The following PDZRN4 variants were observed in gnomAD, a reference collection of about 807,000 sequenced individuals.
The protein encoded by PDZRN4 is PDZ domain-containing RING finger protein 4.
A neutral mutation model predicts 99.0 loss-of-function variants in PDZRN4; 70 were observed. The observed-to-expected ratio is 0.71, with a 90% CI of 0.58 to 0.86. The LOEUF (loss-of-function observed/expected upper bound fraction) is 0.86, where lower values mean the gene tolerates loss of function less well. Ranked by LOEUF, PDZRN4 falls within the 40% of genes least tolerant of loss-of-function variation. The probability of loss-of-function intolerance (pLI) is 0.00; values close to 1 mark genes in which losing one functional copy is unlikely to be tolerated. For synonymous variants in PDZRN4, 551 were observed against 501.6 expected, an observed-to-expected ratio of 1.10 and a Z score of -1.32; for missense variants, 1,474 against 1,331.2, an observed-to-expected ratio of 1.11 and a Z score of -1.67.
At position 41,572,697 on chromosome 12, in the gene PDZRN4, C is replaced by T. The variant is rs1939503860; in HGVS notation, c.1918C>T (p.His640Tyr). Residue 640 changes from histidine to tyrosine, a missense_variant, in exon 10 of 10, where the codon CAT (histidine) becomes TAT (tyrosine). His to Tyr is a moderately conservative substitution (Grantham distance 83). Coordinates refer to ENST00000402685, the MANE Select transcript of PDZRN4 (RefSeq NM_001164595.2). ...LLELKCKIRN[H>Y]GEYDLYYSSS... The stretch of plus-strand genomic sequence containing the variant: ...GGAGCTCAAATGCAAGATTCGAAAT[C>T]ATGGAGAGTATGACCTGTATTACTC... 5 of 1,613,964 alleles carry T rather than the reference C, an allele frequency of 3.1e-6. No homozygotes were observed. In the South Asian group the frequency reaches 3.3e-5, roughly 11 times the overall value.
intron 3 of PDZRN4, among the ~76,000 whole-genome samples, chr12:41,417,548 A>G (rs890679788): frequency 6.6e-6 from 1 of 152,188 alleles, no homozygotes; most frequent in African/African-American, 2.4e-5. Flanking sequence ...CAGGAACACA[A>G]AGATGATGCT....
intron 3 of PDZRN4, among the ~76,000 whole-genome samples, chr12:41,327,172 A>G (rs899776646): frequency 2.6e-5 from 4 of 152,126 alleles, no homozygotes; most frequent in African/African-American, 9.7e-5. Context: ...TGCAGCCTTG[A>G]GCTTACATTG....
rs756165102 is a variant in PDZRN4 at position 41,188,488 on chromosome 12, C to T, written c.33C>T (p.Ala11=). ...TTGCCCTGGAGCGCTTCGCAGAAGC[C>T]GTGGACCCGGCTCTGGAGTGCAAAC... The part of the protein sequence containing the change: MGFALERFAE[A]VDPALECKLC... The change falls in exon 1 of 10, where the codon GCC becomes GCT. Residue 11 remains alanine, a synonymous_variant. Coordinates refer to ENST00000402685, the MANE Select transcript of PDZRN4 (RefSeq NM_001164595.2). 8.2e-6 allele frequency: 13 copies of T among 1,592,092 alleles called. No homozygotes were observed. In the African/African-American group the frequency reaches 1.5e-4, roughly 18 times the overall value.
rs542603147 is a variant in PDZRN4 at position 41,331,291 on chromosome 12, T to G, written c.843+137103T>G. Reference sequence around the variant, plus strand: ...GATGTTAAGTATATTCTTAATAATTTTCTATATTTCGGTAGGTTTATCTGA... The same window carrying G: ...GATGTTAAGTATATTCTTAATAATTGTCTATATTTCGGTAGGTTTATCTGA... On this transcript the variant is annotated intron_variant, in intron 3 of 9. Coordinates refer to ENST00000402685, the MANE Select transcript of PDZRN4 (RefSeq NM_001164595.2). 1.2e-3 allele frequency among the ~76,000 whole-genome samples: 185 copies of G among 152,234 alleles called. 1 individual carries two copies. The highest frequency in any genetic ancestry group is 4.4e-3 in the African/African-American group (182 of 41,558).
At chr12:41,413,586 A>T (rs1952416698) in intron 3 of PDZRN4, among the ~76,000 whole-genome samples, 2 of 152,148 alleles carry the variant, frequency 1.3e-5, no homozygotes, top group South Asian at 2.1e-4. Flanking sequence ...TCCTGATATG[A>T]TCCCTATACA....
At chr12:41,484,482 A>G (rs751569934) in intron 3 of PDZRN4, among the ~76,000 whole-genome samples, 13 of 152,206 alleles carry the variant, frequency 8.5e-5, no homozygotes, top group Non-Finnish European at 1.5e-4. Context: ...AAATCACTGC[A>G]TCTGTTTCTC....
At chr12:41,437,187 G>A (rs180701336) in intron 3 of PDZRN4, among the ~76,000 whole-genome samples, 92 of 152,054 alleles carry the variant, frequency 6.1e-4, no homozygotes, top group Non-Finnish European at 1.0e-3. Context: ...AGTTATTTTT[G>A]TAGTATCAGA....
Position 41,567,864 on chromosome 12 carries a change from G to A in PDZRN4, c.1549G>A (p.Glu517Lys), listed in dbSNP as rs143454786. 2.1e-4 allele frequency: 341 copies of A among 1,613,000 alleles called. No homozygotes were observed. In the African/African-American group the frequency reaches 4.2e-3, roughly 20 times the overall value. The change falls in exon 9 of 10, where the codon GAA becomes AAA. Residue 517 changes from glutamate (E) to lysine (K), a missense_variant. Coordinates refer to ENST00000402685, the MANE Select transcript of PDZRN4 (RefSeq NM_001164595.2). ...GGAGATGTTGGAAGAAGAGCATAAT[G>A]AAGCAATGCAGCCCACTGCCAATGA... ...NLEMLEEEHNEAMQPTANEVE... is the reference protein window; with the variant it reads ...NLEMLEEEHNKAMQPTANEVE...
At chr12:41,538,594 C>T (rs1397507801) in intron 5 of PDZRN4, among the ~76,000 whole-genome samples, 1 of 151,942 alleles carries the variant, frequency 6.6e-6, no homozygotes, top group Non-Finnish European at 1.5e-5. Flanking sequence ...CCATTAACAA[C>T]AAATGGAGAA....
chr12:41,272,498 C>T (rs1054351628), intron 3 of PDZRN4, among the ~76,000 whole-genome samples: 1 of 151,968 alleles, frequency 6.6e-6, no homozygotes, highest in Admixed American at 6.6e-5. Flanking sequence ...AGTATTAAAT[C>T]TTTGCAGCTA....
chr12:41,316,396 T>C (rs1360444345), intron 3 of PDZRN4, among the ~76,000 whole-genome samples: 1 of 151,808 alleles, frequency 6.6e-6, no homozygotes, highest in Non-Finnish European at 1.5e-5. Context: ...GCAAATAATC[T>C]AGGAAGCATT....
chr12:41,315,949 T>A (rs1329407100), intron 3 of PDZRN4, among the ~76,000 whole-genome samples: 2 of 152,084 alleles, frequency 1.3e-5, no homozygotes, highest in African/African-American at 2.4e-5. Flanking sequence ...GTGAATGTAA[T>A]CTTTTTAGAG....
At chr12:41,429,900 C>A (rs1282273837) in intron 3 of PDZRN4, among the ~76,000 whole-genome samples, 2 of 152,002 alleles carry the variant, frequency 1.3e-5, no homozygotes, top group African/African-American at 4.8e-5. Context: ...ACCACTTTTG[C>A]AGAACTAAAA....
intron 5 of PDZRN4, among the ~76,000 whole-genome samples, chr12:41,550,740 G>C (rs1939038063): frequency 1.3e-5 from 2 of 152,166 alleles, no homozygotes; most frequent in Admixed American, 6.5e-5. Context: ...TCTCAGAATA[G>C]AGGATTTAAA....
At chr12:41,194,468 C>G (rs1015895581) in intron 3 of PDZRN4, among the ~76,000 whole-genome samples, 4 of 152,002 alleles carry the variant, frequency 2.6e-5, no homozygotes, top group Non-Finnish European at 5.9e-5. Flanking sequence ...GACTTCATCT[C>G]TACCAAAAAA....
intron 3 of PDZRN4, among the ~76,000 whole-genome samples, chr12:41,252,459 C>T (rs951637917): frequency 6.6e-6 from 1 of 152,090 alleles, no homozygotes; most frequent in African/African-American, 2.4e-5. Context: ...AAATTTTAGG[C>T]AAAACAGGCC....
chr12:41,571,342 T>A (rs1387288967), intron 9 of PDZRN4, among the ~76,000 whole-genome samples: 6 of 89,868 alleles, frequency 6.7e-5, no homozygotes, highest in African/African-American at 2.5e-4. Context: ...AGAGTCTCTC[T>A]CTCTCTCTCT....
intron 3 of PDZRN4, among the ~76,000 whole-genome samples, chr12:41,393,497 C>T (rs960378506): frequency 1.8e-5 from 2 of 113,186 alleles, no homozygotes; most frequent in Non-Finnish European, 3.6e-5. Context: ...ATCTAGAAAC[C>T]CTTCTAAAAT....
intron 3 of PDZRN4, among the ~76,000 whole-genome samples, chr12:41,197,920 G>GTTTTTTTTTTTTTTGTTTTTT (rs533696414): frequency 8.7e-6 from 1 of 115,602 alleles, no homozygotes; most frequent in African/African-American, 3.3e-5. Flanking sequence ...TTTTTTCTGG[G>GTTTTTTTTTTTTTTGTTTTTT]TTTTTTTTTT....
Sources: allele counts gnomAD v4.1 joint callset (sites outside exome capture counted in the v4.1 genomes callset), GRCh38; gene constraint gnomAD v4.1.1; transcripts MANE v1.5; gene names NCBI Gene and HGNC (gene_info 2026-07-23, HGNC 2026-07-21).